Variants in FAM78B observed in about 807,000 individuals in gnomAD.
FAM78B encodes the protein protein FAM78B.
In FAM78B, 10 loss-of-function variants were observed where a neutral mutation model predicts 20.0. That is an observed-to-expected ratio of 0.50 (90% CI 0.31 to 0.85). The LOEUF (loss-of-function observed/expected upper bound fraction) is 0.85. Among genes scored for constraint, FAM78B ranks in the 40% least tolerant of loss-of-function variants. The pLI, the probability that FAM78B is intolerant of heterozygous loss-of-function variation, is 0.05. For missense variants in FAM78B, 283 were observed against 345.0 expected (o/e 0.82, Z 1.42); for synonymous variants, 135 against 132.8 (o/e 1.02, Z -0.12).
intron 1 of FAM78B, among the ~76,000 whole-genome samples, chr1:166,131,036 G>C (rs1032162439): frequency 1.4e-5 from 2 of 145,268 alleles, no homozygotes; most frequent in African/African-American, 5.2e-5. Context: ...ATGTTGCCCA[G>C]GCTAGAGTGC....
chr1:166,156,331 T>C (rs1186001725), intron 1 of FAM78B, among the ~76,000 whole-genome samples: 1 of 152,246 alleles, frequency 6.6e-6, no homozygotes, highest in Non-Finnish European at 1.5e-5. Flanking sequence ...TCATAAATGA[T>C]GCCCTTAAAA....
At chr1:166,117,849 G>C (rs1191499585) in intron 1 of FAM78B, among the ~76,000 whole-genome samples, 3 of 152,184 alleles carry the variant, frequency 2.0e-5, no homozygotes, top group African/African-American at 7.2e-5. Context: ...CTAAAAGACA[G>C]AGTCAGGAGC....
At chr1:166,064,119 T>C (rs1651711785) in intron 2 of FAM78B, among the ~76,000 whole-genome samples, 1 of 152,028 alleles carries the variant, frequency 6.6e-6, no homozygotes, top group Non-Finnish European at 1.5e-5. Flanking sequence ...TGTAGGGCCA[T>C]GGGGAATGGG....
chr1:166,105,101 G>A (rs558471522), intron 1 of FAM78B, among the ~76,000 whole-genome samples: 4,991 of 152,072 alleles, frequency 0.033, 254 homozygotes, highest in African/African-American at 0.11. Flanking sequence ...ACAAGCAATG[G>A]GGAAAGGATT....
At chr1:166,091,592 C>CTATG (rs1330256478) in intron 1 of FAM78B, among the ~76,000 whole-genome samples, 1 of 152,166 alleles carries the variant, frequency 6.6e-6, no homozygotes, top group Non-Finnish European at 1.5e-5. Context: ...GTGTATCTAT[C>CTATG]TTTACCAGCA....
chr1:166,102,510 A>T (rs897780197), intron 1 of FAM78B, among the ~76,000 whole-genome samples: 3 of 152,186 alleles, frequency 2.0e-5, no homozygotes, highest in African/African-American at 7.2e-5. Context: ...GGGATGGAGG[A>T]AGATCTACCA....
At chr1:166,109,890 G>GTATGTGTATATA (rs1433152486) in intron 1 of FAM78B, among the ~76,000 whole-genome samples, 2 of 23,190 alleles carry the variant, frequency 8.6e-5, no homozygotes, top group Non-Finnish European at 2.3e-4. Flanking sequence ...ATGTATATAT[G>GTATGTGTATATA]TATATATATA....
chr1:166,074,086 TCAAACATG>T (rs1258327118), intron 1 of FAM78B, among the ~76,000 whole-genome samples: 2 of 152,226 alleles, frequency 1.3e-5, no homozygotes, highest in Non-Finnish European at 2.9e-5. Context: ...GTCCAAGTGT[TCAAACATG>T]CAAATCTGAT....
intron 1 of FAM78B, among the ~76,000 whole-genome samples, chr1:166,158,302 G>T (rs190747963): frequency 6.6e-6 from 1 of 152,108 alleles, no homozygotes; most frequent in Non-Finnish European, 1.5e-5. Context: ...TCCAGCCTGG[G>T]TAACAGAGCA....
intron 1 of FAM78B, among the ~76,000 whole-genome samples, chr1:166,107,405 G>A (rs780535093): frequency 6.6e-6 from 1 of 152,034 alleles, no homozygotes; most frequent in Non-Finnish European, 1.5e-5. Flanking sequence ...ATCTGGAAGA[G>A]ATAGAAAAAT....
chr1:166,066,966 A>G (rs1651817633), downstream of FAM78B, among the ~76,000 whole-genome samples: 2 of 59,438 alleles, frequency 3.4e-5, no homozygotes, highest in Non-Finnish European at 7.8e-5. Context: ...AAGGGCCCAT[A>G]TTAAGGGTTC....
chr1:166,103,446 T>C (rs914917124), intron 1 of FAM78B, among the ~76,000 whole-genome samples: 2 of 151,918 alleles, frequency 1.3e-5, no homozygotes, highest in African/African-American at 2.4e-5. Flanking sequence ...ACAAAATTAA[T>C]AGACGTTAGC....
chr1:166,097,324 T>G (rs1373181365), intron 1 of FAM78B, among the ~76,000 whole-genome samples: 4 of 152,164 alleles, frequency 2.6e-5, no homozygotes, highest in Admixed American at 2.0e-4. Context: ...CTAGCTTAAC[T>G]CTGCAACAAC....
intron 1 of FAM78B, among the ~76,000 whole-genome samples, chr1:166,109,908 A>G (rs1248077663): frequency 1.2e-4 from 12 of 96,854 alleles, no homozygotes; most frequent in African/African-American, 1.7e-4. Flanking sequence ...ATATATATAT[A>G]TATATATATA....
chr1:166,095,338 A>G (rs1208642216), intron 1 of FAM78B, among the ~76,000 whole-genome samples: 1 of 151,764 alleles, frequency 6.6e-6, no homozygotes, highest in Non-Finnish European at 1.5e-5. Context: ...CATGGGTGAG[A>G]AGAGAGGTGT....
At position 166,124,416 on chromosome 1, in the gene FAM78B, C is replaced by T. The variant is rs545453264; in HGVS notation, c.263+41570G>A. 3.9e-5 allele frequency among the ~76,000 whole-genome samples: 6 copies of T among 152,336 alleles called. No homozygotes were observed. The South Asian group carries it at 1.2e-3, about 32-fold the overall frequency. ...CGTAGCACTTACTATATGCCAGGCA[C>T]TGTTCTAGGCATTTGGTATATTTTA... On this transcript the variant is annotated intron_variant, in intron 1 of 1. Coordinates refer to ENST00000354422, the MANE Select transcript of FAM78B (RefSeq NM_001017961.5).
In FAM78B at chr1:166,077,602, T is replaced by C. The variant is rs1274140294; in HGVS notation, c.264-6839A>G. ...TATATATATAAAATACATATAATTA[T>C]ATATTTATATAAATTATATATAATA... On this transcript the variant is annotated intron_variant, in intron 1 of 1. Transcript: ENST00000354422. Among the ~76,000 whole-genome samples, 4 of 144,632 alleles carry C rather than the reference T, an allele frequency of 2.8e-5. No homozygotes were observed. The East Asian group carries it at 7.8e-4, about 28-fold the overall frequency. 94.9% of individuals were successfully genotyped at this position (144,632 alleles called of 152,430 possible).
intron 1 of FAM78B, among the ~76,000 whole-genome samples, chr1:166,088,898 C>T (rs1324978300): frequency 6.6e-6 from 1 of 152,204 alleles, no homozygotes; most frequent in East Asian, 1.9e-4. Flanking sequence ...ATGTGCTCCA[C>T]ACAGTCCTGC....
intron 1 of FAM78B, among the ~76,000 whole-genome samples, chr1:166,153,607 T>C (rs2101800151): frequency 6.6e-6 from 1 of 152,216 alleles, no homozygotes; most frequent in East Asian, 1.9e-4. Flanking sequence ...TACGCAGGTC[T>C]CCAGGGAGGG....
Sources: gnomAD v4.1 joint callset for allele counts (sites outside exome capture counted in the v4.1 genomes callset) on GRCh38, gnomAD v4.1.1 for gene constraint, MANE v1.5 for transcripts, NCBI Gene and HGNC (gene_info 2026-07-23, HGNC 2026-07-21) for gene names.